The following DNAJA1 variants were observed in gnomAD, a reference collection of about 807,000 sequenced individuals.
DNAJA1 encodes the protein DnaJ heat shock protein family (Hsp40) member A1, also known as dnaJ homolog subfamily A member 1.
A neutral mutation model predicts 47.6 loss-of-function variants in DNAJA1; 26 were observed. The observed-to-expected ratio is 0.55, with a 90% confidence interval of 0.40 to 0.76. The LOEUF is 0.76. Ranked by LOEUF, DNAJA1 falls within the 30% of genes least tolerant of loss-of-function variation. The pLI, the probability that DNAJA1 is intolerant of heterozygous loss-of-function variation, is 0.00. For missense variants in DNAJA1, 315 were observed against 485.0 expected (o/e 0.65, Z 3.29); for synonymous variants, 165 against 158.4 (o/e 1.04, Z -0.31).
At chr9:33,030,343 T>C (rs959533358) in intron 4 of DNAJA1, 97 bp from the exon 5 acceptor site, 2 of 1,208,348 alleles carry the variant, frequency 1.7e-6, no homozygotes, top group Non-Finnish European at 2.3e-6. Flanking sequence ...GCTTCGAAAA[T>C]ATTAAAAGTA....
At position 33,036,606 on chromosome 9, in the gene DNAJA1, T is replaced by C. The variant is rs796633004; in HGVS notation, c.791T>C (p.Ile264Thr). The C allele has an allele frequency of 1.2e-6, 2 of 1,613,810 alleles. No homozygotes were observed. Among genetic ancestry groups the C allele is most frequent in the Admixed American group, 3.3e-5 (2 of 59,942 alleles). The change falls in exon 7 of 9, where the codon ATA becomes ACA. Residue 264 changes from isoleucine to threonine, a missense_variant. Around this residue, in one of 4 missense-constraint regions of DNAJA1, gnomAD observed 162 missense variants for 185.4 expected, o/e 0.87. Coordinates refer to ENST00000330899, the MANE Select transcript of DNAJA1 (RefSeq NM_001539.4). ...GAAGACCTTTTCATGTGTATGGACA[T>C]ACAGCTCGTTGAAGCACTGTGTGGC... ...RGEDLFMCMD[I>T]QLVEALCGFQ...
chr9:33,036,922 C>T (rs1839043941), intron 7 of DNAJA1, 93 bp from the exon 8 acceptor site: 1 of 1,163,638 alleles, frequency 8.6e-7, no homozygotes, highest in Admixed American at 2.4e-5. Flanking sequence ...TTTACTCCTG[C>T]CAATGAGCTA....
At chr9:33,032,372 A>C (rs537103283) in intron 5 of DNAJA1, among the ~76,000 whole-genome samples, 2 of 152,254 alleles carry the variant, frequency 1.3e-5, no homozygotes, top group South Asian at 4.1e-4. Flanking sequence ...CTTGATACCA[A>C]TAGCATACAG....
rs201075363 is a variant in DNAJA1 at position 33,036,267 on chromosome 9, T to TG, written c.759-307_759-306insG. ...CCTAACCCTCACTCTTGTGAGTTGTTTTTTTTTTTTCCCCTCTGAGAAACC... is the reference window on the plus strand; with the variant it reads ...CCTAACCCTCACTCTTGTGAGTTGTTGTTTTTTTTTTCCCCTCTGAGAAACC... On this transcript the variant is annotated intron_variant, in intron 6 of 8. Transcript: ENST00000330899. The TG allele has an allele frequency of 2.6e-3, 437 of 165,006 alleles. 3 individuals carry two copies. The highest frequency in any genetic ancestry group is 9.1e-3 in the African/African-American group (377 of 41,530). 10.2% of individuals were successfully genotyped at this position (165,006 alleles called of 1,614,324 possible).
In DNAJA1 at chr9:33,025,298, A is replaced by C. The variant is rs1241814044; in HGVS notation, c.-96A>C. The C allele has an allele frequency of 6.6e-6, 1 of 152,376 alleles. No homozygotes were observed. The highest frequency in any genetic ancestry group is 2.4e-5 in the African/African-American group (1 of 41,400). 9.4% of individuals were successfully genotyped at this position (152,376 alleles called of 1,614,324 possible). A position where few individuals can be genotyped will look rare whatever the true frequency, so the allele number is the denominator to read the frequency against. On this transcript the variant is annotated 5_prime_UTR_variant, in exon 1 of 9. Transcript: ENST00000330899. ...GCGGAACTTTCCAGAACGCTCGGTGAGAGGCGGAGGAGCGGTAACTACCCC... is the reference window on the plus strand; with the variant it reads ...GCGGAACTTTCCAGAACGCTCGGTGCGAGGCGGAGGAGCGGTAACTACCCC...
chr9:33,038,586 T>C (rs1839069638), intron 8 of DNAJA1, 99 bp from the exon 9 acceptor site: 2 of 1,071,810 alleles, frequency 1.9e-6, no homozygotes, highest in Non-Finnish European at 1.3e-6. Flanking sequence ...CACCTAAATA[T>C]TACGTGTTTA....
chr9:33,027,798 G>A (rs528708305), intron 3 of DNAJA1, among the ~76,000 whole-genome samples: 78 of 151,874 alleles, frequency 5.1e-4, no homozygotes, highest in African/African-American at 1.8e-3. Flanking sequence ...TGCAGCGAAC[G>A]GAGGTCACGC....
At chr9:33,029,061 T>A (rs1228603619) in intron 3 of DNAJA1, among the ~76,000 whole-genome samples, 1 of 152,218 alleles carries the variant, frequency 6.6e-6, no homozygotes, top group Non-Finnish European at 1.5e-5. Context: ...CCTTATGAGA[T>A]CTTGACCTTC....
At chr9:33,038,568 G>T in intron 8 of DNAJA1, 117 bp from the exon 9 acceptor site, 2 of 885,896 alleles carry the variant, frequency 2.3e-6, no homozygotes, top group Non-Finnish European at 1.7e-6. Context: ...ACCTGAGATT[G>T]GCAGATTCAC....
rs1376589749 is a variant in DNAJA1, at chr9:33,039,276, G to A, written c.*373G>A. 5.6e-6 allele frequency: 1 copy of A among 179,822 alleles called. No individual in the cohort carries two copies. Among genetic ancestry groups the A allele is most frequent in the African/African-American group, 2.4e-5 (1 of 41,868 alleles). The allele number at this position is 179,822 out of a possible 1,614,324, so 11.1% of individuals were successfully genotyped here. A position where few individuals can be genotyped will look rare whatever the true frequency, so the allele number is the denominator to read the frequency against. On this transcript the variant is annotated 3_prime_UTR_variant, in exon 9 of 9. Coordinates refer to ENST00000330899, the MANE Select transcript of DNAJA1 (RefSeq NM_001539.4). ...TGTTAAGCTATGAAAGTAAAACTCT[G>A]TATTTAACTGGCAATGAGGAAAAAA...
intron 2 of DNAJA1, 82 bp downstream of exon 2, chr9:33,026,698 A>T: frequency 1.9e-6 from 3 of 1,566,298 alleles, no homozygotes; most frequent in Non-Finnish European, 2.6e-6. Context: ...GAAATCGAGT[A>T]TCTAATATAG....
At chr9:33,030,853 C>T (rs1283402243) in intron 5 of DNAJA1, among the ~76,000 whole-genome samples, 186 bp downstream of exon 5, 6 of 152,120 alleles carry the variant, frequency 3.9e-5, no homozygotes, top group African/African-American at 1.4e-4. Flanking sequence ...TGGTATATTA[C>T]TAATACAGAA....
rs143580988 is a variant in DNAJA1, at chr9:33,031,974, T to C, written c.643+1307T>C. Among the ~76,000 whole-genome samples the C allele has an allele frequency of 7.2e-5, 11 of 152,346 alleles. No individual in the cohort carries two copies. The East Asian group carries it at 2.1e-3, about 29-fold the overall frequency. On this transcript the variant is annotated intron_variant, in intron 5 of 8. Transcript: ENST00000330899. ...GTCAACTTGCAAAAACATTTTAAAA[T>C]GTATTACAGCAATACACTGCAGAAA... is the stretch of plus-strand genomic sequence containing the variant.
At chr9:33,029,833 A>G in intron 3 of DNAJA1, 52 bp from the exon 4 acceptor site, 1 of 1,462,910 alleles carries the variant, frequency 6.8e-7, no homozygotes, top group East Asian at 2.3e-5. Context: ...CTTTAGCACA[A>G]ATAAGATCCA....
chr9:33,035,032 C>G (rs562720644), intron 6 of DNAJA1, among the ~76,000 whole-genome samples: 1 of 144,756 alleles, frequency 6.9e-6, no homozygotes, highest in East Asian at 2.0e-4. Flanking sequence ...ACAGTAAGAA[C>G]CCACCTTTTT....
chr9:33,038,645 A>T, intron 8 of DNAJA1, 40 bp from the exon 9 acceptor site: 1 of 1,581,158 alleles, frequency 6.3e-7, no homozygotes, highest in Non-Finnish European at 8.7e-7. Context: ...AAGGGAGCTA[A>T]TGATGAAATC....
At chr9:33,030,693 AGTCTTGAATGCTGTG>A in intron 5 of DNAJA1, 26 bp downstream of exon 5, 1 of 1,566,864 alleles carries the variant, frequency 6.4e-7, no homozygotes, top group Non-Finnish European at 8.7e-7. Flanking sequence ...CTTATTCTGA[AGTCTTGAATGCTGTG>A]GCAGATTTAT....
rs1160253401 is a variant in DNAJA1 at position 33,026,738 on chromosome 9, C to A, written c.133-75C>A. 24 of 1,573,848 alleles carry A rather than the reference C, an allele frequency of 1.5e-5. No individual in the cohort carries two copies. The East Asian group carries it at 5.4e-4, about 35-fold the overall frequency. On this transcript the variant is annotated intron_variant, in intron 2 of 8. Coordinates refer to ENST00000330899, the MANE Select transcript of DNAJA1 (RefSeq NM_001539.4). The stretch of plus-strand genomic sequence containing the variant: ...TATGATCACTTCTCGGCCTTTTTAG[C>A]TAAGATCAAGTGTAATGTAGCTAGG...
intron 4 of DNAJA1, 34 bp downstream of exon 4, chr9:33,030,023 T>C (rs748199635): frequency 6.4e-7 from 1 of 1,573,826 alleles, no homozygotes; most frequent in South Asian, 1.1e-5. Context: ...TTGTTTTGTT[T>C]TTAAGCACCT....
Sources: gnomAD v4.1 joint callset for allele counts (sites outside exome capture counted in the v4.1 genomes callset) on GRCh38, gnomAD v4.1.1 for gene constraint, gnomAD v4.1.1 regional missense constraint, MANE v1.5 for transcripts, NCBI Gene and HGNC (gene_info 2026-07-23, HGNC 2026-07-21) for gene names.